The following RORA variants were observed in gnomAD, a reference collection of about 807,000 sequenced individuals.
The protein encoded by RORA is RAR related orphan receptor A.
In RORA, 7 loss-of-function variants were observed where a neutral mutation model predicts 69.5. The ratio of observed to expected loss-of-function variants is 0.10; its 90% CI spans 0.06 to 0.19. RORA has a LOEUF of 0.19. RORA is among the 10% of genes least tolerant of loss of function. The pLI, the probability that RORA is intolerant of heterozygous loss-of-function variation, is 1.00. For missense variants in RORA, 457 were observed against 663.0 expected, an observed-to-expected ratio of 0.69 and a Z score of 3.41; for synonymous variants, 261 against 240.8, an observed-to-expected ratio of 1.08 and a Z score of -0.78.
At position 60,574,617 on chromosome 15, in the gene RORA, T is replaced by G. The variant is rs1465378370; in HGVS notation, c.197-42766A>C. Among the ~76,000 whole-genome samples the G allele has an allele frequency of 3.3e-5, 5 of 152,240 alleles. No individual in the cohort carries two copies. The East Asian group carries it at 5.8e-4, about 18-fold the overall frequency. On this transcript the variant is annotated intron_variant, in intron 2 of 10. Coordinates refer to ENST00000335670, the MANE Select transcript of RORA (RefSeq NM_134261.3). The stretch of plus-strand genomic sequence containing the variant: ...GAGGATGAGAGGATGGGGATGTTAA[T>G]AACAACACTTCTTCAGTGCCTGCCA...
At chr15:61,211,143 G>A (rs1485169794) in intron 1 of RORA, among the ~76,000 whole-genome samples, 1 of 152,112 alleles carries the variant, frequency 6.6e-6, no homozygotes, top group East Asian at 1.9e-4. Context: ...CTGTCCTGGA[G>A]GGCACCTTTC....
intron 1 of RORA, chr15:61,195,926 C>CA (rs2079842016): frequency 1.3e-5 from 2 of 152,236 alleles, no homozygotes; most frequent in Admixed American, 6.5e-5. Context: ...ACTTACTGAG[C>CA]ACCTAATATG....
At chr15:60,844,986 C>A (rs2073246482) in intron 1 of RORA, among the ~76,000 whole-genome samples, 1 of 152,104 alleles carries the variant, frequency 6.6e-6, no homozygotes, top group Non-Finnish European at 1.5e-5. Flanking sequence ...GTGAAGGAAA[C>A]CAAACCCACC....
intron 7 of RORA, 100 bp from the exon 8 acceptor site, chr15:60,502,967 G>C (rs1309806968): frequency 1.5e-5 from 12 of 821,060 alleles, no homozygotes; most frequent in Non-Finnish European, 2.6e-5. Context: ...CAACAGCATG[G>C]TGGGTGTCGT....
chr15:60,792,766 T>C (rs341437), intron 1 of RORA, among the ~76,000 whole-genome samples: 147 of 152,296 alleles, frequency 9.7e-4, no homozygotes, highest in African/African-American at 3.5e-3. Context: ...CTAAAAGAAC[T>C]GGAAAAGAAA....
Position 60,531,805 on chromosome 15 carries a change from T to C in RORA, c.243A>G (p.Ser81=). The C allele has an allele frequency of 6.3e-7, 1 of 1,596,060 alleles. No individual in the cohort carries two copies. Among genetic ancestry groups the C allele is most frequent in the South Asian group, 1.1e-5 (1 of 87,262 alleles). Residue 81 remains serine (S), a synonymous_variant, in exon 3 of 11, where the codon TCA becomes TCG. Coordinates refer to ENST00000335670, the MANE Select transcript of RORA (RefSeq NM_134261.3). This position sits in a 1 kb window ranked among gnomAD's most constrained non-coding sequence, Gnocchi z 4.8. The part of the protein sequence containing the change: ...IPCKICGDKS[S]GIHYGVITCE... ...ATGTAATGACACCATAATGGATTCC[T>C]GATGATTTGTCTCCACAGATCTTGC...
At chr15:60,516,222 TTTA>T (rs2065945379) in intron 3 of RORA, among the ~76,000 whole-genome samples, 1 of 13,906 alleles carries the variant, frequency 7.2e-5, no homozygotes, top group African/African-American at 2.5e-4. Context: ...TATATATATA[TTTA>T]TATATATATT....
chr15:60,924,921 A>C (rs1892163252), intron 1 of RORA, among the ~76,000 whole-genome samples: 1 of 151,884 alleles, frequency 6.6e-6, no homozygotes, highest in Non-Finnish European at 1.5e-5. Flanking sequence ...TCTACTAAAA[A>C]TACAAAAATT....
At chr15:60,784,284 G>A (rs1472942964) in intron 1 of RORA, among the ~76,000 whole-genome samples, 1 of 152,102 alleles carries the variant, frequency 6.6e-6, no homozygotes, top group Admixed American at 6.6e-5. Context: ...AAAATATAGG[G>A]ACCCTGTATT....
intron 1 of RORA, among the ~76,000 whole-genome samples, chr15:61,197,721 G>A (rs896882937): frequency 4.6e-5 from 7 of 152,100 alleles, no homozygotes; most frequent in Admixed American, 2.0e-4. Flanking sequence ...CTACCCAGAC[G>A]AACTCATTAC....
chr15:60,834,069 G>A (rs2073083000), intron 1 of RORA, among the ~76,000 whole-genome samples: 1 of 152,188 alleles, frequency 6.6e-6, no homozygotes, highest in African/African-American at 2.4e-5. Flanking sequence ...GGGATGTAGT[G>A]AATGACAGCC....
chr15:61,133,503 C>G (rs1220228562), intron 1 of RORA, among the ~76,000 whole-genome samples: 1 of 152,084 alleles, frequency 6.6e-6, no homozygotes, highest in Non-Finnish European at 1.5e-5. Context: ...TAAAGAAACC[C>G]GGAGAGTTGA....
chr15:60,554,984 A>T (rs10431795), intron 2 of RORA, among the ~76,000 whole-genome samples: 59,233 of 151,890 alleles, frequency 0.39, 12,868 homozygotes, highest in East Asian at 0.78. Context: ...CTCTGTGGCC[A>T]CTTTAGAGCT....
chr15:61,082,001 C>T (rs954875012), intron 1 of RORA, among the ~76,000 whole-genome samples: 1 of 152,112 alleles, frequency 6.6e-6, no homozygotes, highest in Non-Finnish European at 1.5e-5. Flanking sequence ...TTACTACTTA[C>T]TAATCATTTC....
chr15:60,819,768 CACACACA>C (rs2072867760), intron 1 of RORA, among the ~76,000 whole-genome samples: 1 of 100,920 alleles, frequency 9.9e-6, no homozygotes, highest in Non-Finnish European at 2.6e-5. Flanking sequence ...CACACACACA[CACACACA>C]CACACACACA....
At chr15:60,996,146 C>A (rs1045655820) in intron 1 of RORA, among the ~76,000 whole-genome samples, 3 of 151,854 alleles carry the variant, frequency 2.0e-5, no homozygotes, top group Non-Finnish European at 4.4e-5. Context: ...TCTCAGCTCA[C>A]TGCAACCTCT....
At chr15:60,717,316 T>C (rs2071233116) in intron 1 of RORA, among the ~76,000 whole-genome samples, 1 of 152,210 alleles carries the variant, frequency 6.6e-6, no homozygotes, top group African/African-American at 2.4e-5. Context: ...GAGCTTGTTA[T>C]GGTAGATAAA....
At chr15:60,666,617 T>C (rs1238616163) in intron 2 of RORA, among the ~76,000 whole-genome samples, 4 of 152,176 alleles carry the variant, frequency 2.6e-5, no homozygotes, top group Non-Finnish European at 4.4e-5. Context: ...GGAGAAGGCT[T>C]TGCACGGCAG....
At position 60,490,426 on chromosome 15, in the gene RORA, TTATAA is replaced by T. The variant is rs1305744145; in HGVS notation, c.*7024_*7028del. On this transcript the variant is annotated 3_prime_UTR_variant, in exon 11 of 11. Transcript: ENST00000335670. This position sits in a 1 kb window ranked among gnomAD's most constrained non-coding sequence, Gnocchi z 4.1. ...TAAATATTTGCACTGAGTAGGCTGT[TTATAA>T]TATAACATTTTCTTATCTATACAGA... is the stretch of plus-strand genomic sequence containing the variant. 2.0e-5 allele frequency: 3 copies of T among 152,114 alleles called. No individual in the cohort carries two copies. Among genetic ancestry groups the T allele is most frequent in the Non-Finnish European group, 2.9e-5 (2 of 67,978 alleles). The allele number at this position is 152,114 out of a possible 1,614,324, so 9.4% of individuals were successfully genotyped here.
Sources: gnomAD v4.1 joint callset for allele counts (sites outside exome capture counted in the v4.1 genomes callset) on GRCh38, gnomAD v4.1.1 for gene constraint, Gnocchi (gnomAD v3.1) non-coding constraint, MANE v1.5 for transcripts, NCBI Gene and HGNC (gene_info 2026-07-23, HGNC 2026-07-21) for gene names.